PRDM16: variants seen among roughly 807,000 people sequenced by gnomAD.
The protein encoded by PRDM16 is histone-lysine N-methyltransferase PRDM16.
In PRDM16, 23 loss-of-function variants were observed where a neutral mutation model predicts 110.6. That is an observed-to-expected ratio of 0.21 (90% CI 0.15 to 0.29). The LOEUF is 0.29. Ranked by LOEUF, PRDM16 falls within the 10% of genes least tolerant of loss-of-function variation. The probability of loss-of-function intolerance (pLI) is 1.00; values close to 1 mark genes in which losing one functional copy is unlikely to be tolerated. For synonymous variants in PRDM16, 799 were observed against 781.8 expected (o/e 1.02, Z -0.37); for missense variants, 1,615 against 1,794.3 (o/e 0.90, Z 1.81).
rs556991532 is a variant in PRDM16, at chr1:3,310,995, G to A, written c.438+66858G>A. ...GGCATGTGTGTGCGTGTGTGCGTGC[G>A]TATGTGTGTGTGTGTGTGAGCGCCA... On this transcript the variant is annotated intron_variant, in intron 3 of 16. Coordinates refer to ENST00000270722, the MANE Select transcript of PRDM16 (RefSeq NM_022114.4). Among the ~76,000 whole-genome samples the A allele has an allele frequency of 3.4e-3, 524 of 152,094 alleles. 5 individuals are homozygous for A. Among genetic ancestry groups the A allele is most frequent in the African/African-American group, 0.011 (462 of 41,448 alleles).
At chr1:3,368,821 T>C (rs1290540778) in intron 3 of PRDM16, among the ~76,000 whole-genome samples, 1 of 152,172 alleles carries the variant, frequency 6.6e-6, no homozygotes, top group Non-Finnish European at 1.5e-5. Flanking sequence ...TCTTTGTCTT[T>C]TTCAACAGAA....
chr1:3,357,550 A>T (rs569077950), intron 3 of PRDM16, among the ~76,000 whole-genome samples: 7 of 139,144 alleles, frequency 5.0e-5, no homozygotes, highest in African/African-American at 2.4e-4. Context: ...TGATCCAGGA[A>T]GCGCCGTTCC....
intron 3 of PRDM16, among the ~76,000 whole-genome samples, chr1:3,349,481 G>A (rs1230685815): frequency 2.0e-5 from 3 of 152,138 alleles, no homozygotes; most frequent in Non-Finnish European, 4.4e-5. Context: ...GCACCCAGTC[G>A]GCGCAGCCAC....
intron 1 of PRDM16, among the ~76,000 whole-genome samples, chr1:3,123,768 C>T (rs1643145923): frequency 6.6e-6 from 1 of 152,250 alleles, no homozygotes; most frequent in Non-Finnish European, 1.5e-5. Flanking sequence ...CACGGGGTGC[C>T]CCAGGGCATT....
intron 8 of PRDM16, among the ~76,000 whole-genome samples, chr1:3,409,847 G>T (rs115228188): frequency 0.02 from 1,023 of 51,390 alleles, 8 homozygotes; most frequent in Middle Eastern, 0.16. Context: ...GTGTGGTGTG[G>T]GTGTGTGTGT....
At chr1:3,351,264 T>C (rs1003239935) in intron 3 of PRDM16, among the ~76,000 whole-genome samples, 3 of 152,034 alleles carry the variant, frequency 2.0e-5, no homozygotes, top group African/African-American at 7.3e-5. Context: ...TCCCTCCAGG[T>C]GGAAAAGACT....
chr1:3,252,725 TCCTGGGGCCGACTGTGATCCCACAGCTG>T (rs1317984018), intron 3 of PRDM16, among the ~76,000 whole-genome samples: 2 of 152,056 alleles, frequency 1.3e-5, no homozygotes, highest in African/African-American at 4.8e-5. Flanking sequence ...GGCACTGGCT[TCCTGGGGCCGACTGTGATCCCACAGCTG>T]CGTGGACCGT....
chr1:3,231,978 C>G (rs891990393), intron 2 of PRDM16, among the ~76,000 whole-genome samples: 1 of 152,230 alleles, frequency 6.6e-6, no homozygotes, highest in Non-Finnish European at 1.5e-5. Context: ...CTCGCTGCAG[C>G]TGTTCCTGTC....
At chr1:3,377,586 G>A (rs746170439) in intron 3 of PRDM16, among the ~76,000 whole-genome samples, 54 of 152,342 alleles carry the variant, frequency 3.5e-4, no homozygotes, top group Non-Finnish European at 6.2e-4. Context: ...GGGAGACAGT[G>A]GACAGGAGGG....
intron 3 of PRDM16, among the ~76,000 whole-genome samples, chr1:3,371,475 TCCATCCATCCACCCAC>T (rs1307238941): frequency 6.8e-6 from 1 of 147,670 alleles, no homozygotes; most frequent in African/African-American, 2.5e-5. Flanking sequence ...CCACCATCTA[TCCATCCATCCACCCAC>T]CCATCCATCC....
intron 2 of PRDM16, among the ~76,000 whole-genome samples, chr1:3,218,595 TAGAA>T (rs1639084290): frequency 6.6e-6 from 1 of 152,256 alleles, no homozygotes; most frequent in Admixed American, 6.5e-5. Context: ...GGCCCTTCCT[TAGAA>T]AGGGATGTTC....
At position 3,390,970 on chromosome 1, in the gene PRDM16, G is replaced by A. The variant is rs1643291134; in HGVS notation, c.574-5521G>A. Among the ~76,000 whole-genome samples the A allele has an allele frequency of 6.6e-6, 1 of 151,936 alleles. No homozygotes were observed. The highest frequency in any genetic ancestry group is 1.5e-5 in the Non-Finnish European group (1 of 68,000). On this transcript the variant is annotated intron_variant, in intron 4 of 16. Coordinates refer to ENST00000270722, the MANE Select transcript of PRDM16 (RefSeq NM_022114.4). The surrounding 1 kb of genome is among the most constrained non-coding windows in gnomAD (Gnocchi z 5.0). ...CCTGTCTCAGCCTCTCAAGTAGCTGGGATTACAGGGGCCTGCCACTATGCC... is the reference window on the plus strand; with the variant it reads ...CCTGTCTCAGCCTCTCAAGTAGCTGAGATTACAGGGGCCTGCCACTATGCC...
rs557048461 is a variant in PRDM16, at chr1:3,203,501, C to T, written c.387+17027C>T. Among the ~76,000 whole-genome samples the T allele has an allele frequency of 4.5e-4, 68 of 152,060 alleles. 1 individual carries two copies. Among genetic ancestry groups the T allele is most frequent in the Admixed American group, 1.8e-3 (27 of 15,276 alleles). ...TGGCCTGCCTATGAGATGGCAGGTCCGGAGGCCAGAAGCCCCTGATGGAGG... is the reference window on the plus strand; with the variant it reads ...TGGCCTGCCTATGAGATGGCAGGTCTGGAGGCCAGAAGCCCCTGATGGAGG... On this transcript the variant is annotated intron_variant, in intron 2 of 16. Transcript: ENST00000270722.
chr1:3,399,002 C>G (rs1227681102), intron 5 of PRDM16, among the ~76,000 whole-genome samples: 3 of 152,210 alleles, frequency 2.0e-5, no homozygotes, highest in African/African-American at 7.2e-5. Flanking sequence ...AGAGCTGCAG[C>G]TCTGTCAAGA....
chr1:3,214,327 A>G (rs1283703209), intron 2 of PRDM16, among the ~76,000 whole-genome samples: 1 of 152,178 alleles, frequency 6.6e-6, no homozygotes, highest in Non-Finnish European at 1.5e-5. Flanking sequence ...AAATGCTGCT[A>G]GGCGACCCAG....
chr1:3,181,084 A>ACG (rs200020963), intron 1 of PRDM16, among the ~76,000 whole-genome samples: 6 of 123,694 alleles, frequency 4.9e-5, no homozygotes, highest in Admixed American at 8.0e-5. Flanking sequence ...GGTCTTACAC[A>ACG]CGGCCTTACA....
chr1:3,322,808 C>A (rs905565252), intron 3 of PRDM16, among the ~76,000 whole-genome samples: 2 of 152,232 alleles, frequency 1.3e-5, no homozygotes, highest in African/African-American at 4.8e-5. Context: ...GGACGCACCA[C>A]CCTGTTCGTG....
chr1:3,311,961 C>T (rs775339960), intron 3 of PRDM16, among the ~76,000 whole-genome samples: 3 of 152,180 alleles, frequency 2.0e-5, no homozygotes, highest in Non-Finnish European at 4.4e-5. Context: ...AGTTCCAGAC[C>T]AGCAGCATCC....
intron 3 of PRDM16, among the ~76,000 whole-genome samples, chr1:3,251,608 G>A (rs1036474758): frequency 7.9e-5 from 12 of 151,974 alleles, no homozygotes; most frequent in Non-Finnish European, 7.4e-5. Flanking sequence ...CAACCGAACC[G>A]ACGCCACAGG....
Sources: allele counts gnomAD v4.1 joint callset (sites outside exome capture counted in the v4.1 genomes callset), GRCh38; gene constraint gnomAD v4.1.1; non-coding constraint Gnocchi (gnomAD v3.1); transcripts MANE v1.5; gene names NCBI Gene and HGNC (gene_info 2026-07-23, HGNC 2026-07-21).